Variants in NFIB observed in about 807,000 individuals in gnomAD.
NFIB encodes nuclear factor 1 B-type.
NFIB carries 11 observed loss-of-function variants against 61.5 expected under a neutral mutation model. The ratio of observed to expected loss-of-function variants is 0.18; its 90% CI spans 0.11 to 0.30. The LOEUF is 0.30. NFIB is among the 10% of genes least tolerant of loss of function. The pLI, the probability that NFIB is intolerant of heterozygous loss-of-function variation, is 1.00. For synonymous variants in NFIB, 260 were observed against 216.5 expected (o/e 1.20, Z -1.76); for missense variants, 471 against 608.9 (o/e 0.77, Z 2.38).
chr9:14,170,424 T>G (rs1179595610), intron 3 of NFIB, among the ~76,000 whole-genome samples: 1 of 152,150 alleles, frequency 6.6e-6, no homozygotes, highest in African/African-American at 2.4e-5. Flanking sequence ...GGAGGATCAC[T>G]TCAGCCCAGG....
At chr9:14,377,830 G>A (rs767831728) in intron 1 of NFIB, among the ~76,000 whole-genome samples, 5 of 152,120 alleles carry the variant, frequency 3.3e-5, no homozygotes, top group Non-Finnish European at 5.9e-5. Flanking sequence ...GGAGGTGAAA[G>A]CCTGAATAAA....
chr9:14,089,909 A>G (rs767453607), intron 10 of NFIB, among the ~76,000 whole-genome samples: 3 of 152,170 alleles, frequency 2.0e-5, no homozygotes, highest in Non-Finnish European at 4.4e-5. Flanking sequence ...TTTCTGAGTT[A>G]ACATTTCAAA....
chr9:14,413,315 C>A, the NFIB span, among the ~76,000 whole-genome samples: 1 of 152,148 alleles, frequency 6.6e-6, no homozygotes, highest in Non-Finnish European at 1.5e-5. Context: ...TTTCTGCACA[C>A]TCCACAATGA....
intron 2 of NFIB, among the ~76,000 whole-genome samples, chr9:14,208,035 A>AAGC (rs2049926056): frequency 6.6e-6 from 1 of 152,232 alleles, no homozygotes; most frequent in African/African-American, 2.4e-5. Flanking sequence ...AAAAGATGAC[A>AAGC]AGCTGCACAC....
At chr9:14,153,173 G>A (rs1488145433) in intron 4 of NFIB, among the ~76,000 whole-genome samples, 1 of 151,992 alleles carries the variant, frequency 6.6e-6, no homozygotes, top group Non-Finnish European at 1.5e-5. Flanking sequence ...TTTTAATTTT[G>A]TAAAGATAGC....
At chr9:14,312,206 A>G (rs1052019411) in intron 1 of NFIB, among the ~76,000 whole-genome samples, 3 of 152,238 alleles carry the variant, frequency 2.0e-5, no homozygotes, top group African/African-American at 7.2e-5. Context: ...CATTGTTTTC[A>G]TCTTCATTCA....
At chr9:14,284,057 T>C (rs1052317902) in intron 2 of NFIB, among the ~76,000 whole-genome samples, 2 of 152,154 alleles carry the variant, frequency 1.3e-5, no homozygotes, top group Non-Finnish European at 2.9e-5. Flanking sequence ...GAATATGAGC[T>C]GGGAAGGGGC....
chr9:14,524,559 G>A, the NFIB span, among the ~76,000 whole-genome samples: 1 of 152,110 alleles, frequency 6.6e-6, no homozygotes, highest in East Asian at 1.9e-4. Flanking sequence ...AATGTGAGTT[G>A]AACCGCAAAA....
intron 1 of NFIB, among the ~76,000 whole-genome samples, chr9:14,372,619 C>A (rs565237168): frequency 1.5e-3 from 221 of 152,082 alleles, no homozygotes; most frequent in Non-Finnish European, 2.0e-3. Context: ...AGACACTGAC[C>A]CATCTTGGCT....
At chr9:14,277,481 C>T (rs1055125721) in intron 2 of NFIB, among the ~76,000 whole-genome samples, 1 of 152,210 alleles carries the variant, frequency 6.6e-6, no homozygotes, top group Non-Finnish European at 1.5e-5. Flanking sequence ...ATGGATTAGA[C>T]AGACGCACAA....
the NFIB span, among the ~76,000 whole-genome samples, chr9:14,522,046 G>A: frequency 1.3e-5 from 2 of 152,220 alleles, no homozygotes; most frequent in African/African-American, 4.8e-5. Flanking sequence ...GGGAAGTAAA[G>A]TGAAGGGAAA....
chr9:14,185,636 A>C (rs141681570), intron 2 of NFIB, among the ~76,000 whole-genome samples: 5 of 152,324 alleles, frequency 3.3e-5, no homozygotes, highest in Non-Finnish European at 7.3e-5. Flanking sequence ...CATTTGGTTA[A>C]GTCAAATGAA....
At chr9:14,436,295 G>A in the NFIB span, among the ~76,000 whole-genome samples, 1 of 152,206 alleles carries the variant, frequency 6.6e-6, no homozygotes, top group Non-Finnish European at 1.5e-5. Flanking sequence ...GAAATCTTAG[G>A]TGAACATCAC....
intron 3 of NFIB, among the ~76,000 whole-genome samples, chr9:14,166,754 C>T (rs766397757): frequency 2.0e-5 from 3 of 152,132 alleles, no homozygotes; most frequent in African/African-American, 2.4e-5. Context: ...TCCTCTGCTT[C>T]TGGAATAAGT....
At chr9:14,375,669 AAAG>A (rs2061410858) in intron 1 of NFIB, among the ~76,000 whole-genome samples, 1 of 152,142 alleles carries the variant, frequency 6.6e-6, no homozygotes, top group Non-Finnish European at 1.5e-5. Flanking sequence ...CAAAAAAAAA[AAAG>A]AAAAACCTGG....
rs73411910 is a variant in NFIB, at chr9:14,134,766, G to A, written c.926-9000C>T. Among the ~76,000 whole-genome samples, 501 of 151,926 alleles carry A rather than the reference G, an allele frequency of 3.3e-3. 3 individuals carry two copies. The highest frequency in any genetic ancestry group is 0.011 in the African/African-American group (470 of 41,456). ...ACAAAAATTAGCTGGCCATGGTGGC[G>A]TGCATCTGTAATACCAGCTACTGGG... On this transcript the variant is annotated intron_variant, in intron 6 of 10. Coordinates refer to ENST00000380953, the MANE Select transcript of NFIB (RefSeq NM_001190737.2).
chr9:14,366,371 C>T (rs1273793539), intron 1 of NFIB, among the ~76,000 whole-genome samples: 1 of 152,210 alleles, frequency 6.6e-6, no homozygotes, highest in East Asian at 1.9e-4. Context: ...GTCAATAAAA[C>T]TCTCCAGATT....
At chr9:14,122,248 A>C (rs1211834696) in intron 7 of NFIB, among the ~76,000 whole-genome samples, 1 of 152,176 alleles carries the variant, frequency 6.6e-6, no homozygotes, top group Non-Finnish European at 1.5e-5. Flanking sequence ...TTCAGAAGAT[A>C]TAAGAAATTA....
intron 2 of NFIB, among the ~76,000 whole-genome samples, chr9:14,216,270 CA>C (rs917066395): frequency 7.9e-5 from 12 of 152,114 alleles, no homozygotes; most frequent in Admixed American, 7.9e-4. Context: ...CAAAGAAATA[CA>C]ATTTGGCACT....
Sources: allele counts gnomAD v4.1 joint callset (sites outside exome capture counted in the v4.1 genomes callset), GRCh38; gene constraint gnomAD v4.1.1; transcripts MANE v1.5; gene names NCBI Gene and HGNC (gene_info 2026-07-23, HGNC 2026-07-21).